The following PCDH15 variants were observed in gnomAD, a reference collection of about 807,000 sequenced individuals.
PCDH15 encodes protocadherin related 15.
A neutral mutation model predicts 178.5 loss-of-function variants in PCDH15; 129 were observed. The ratio of observed to expected loss-of-function variants is 0.72; its 90% CI spans 0.63 to 0.84. The LOEUF is 0.84. Among genes scored for constraint, PCDH15 ranks in the 40% least tolerant of loss-of-function variants. The probability of loss-of-function intolerance (pLI) is 0.00; values close to 1 mark genes in which losing one functional copy is unlikely to be tolerated. For synonymous variants in PCDH15, 800 were observed against 732.0 expected, an observed-to-expected ratio of 1.09 and a Z score of -1.50; for missense variants, 2,230 against 2,099.9, an observed-to-expected ratio of 1.06 and a Z score of -1.21.
chr10:54,045,303 C>G (rs1055943682), intron 18 of PCDH15, among the ~76,000 whole-genome samples: 1 of 152,012 alleles, frequency 6.6e-6, no homozygotes, highest in South Asian at 2.1e-4. Flanking sequence ...TTCTGAAGAC[C>G]GGGGTGATGT....
intron 2 of PCDH15, among the ~76,000 whole-genome samples, chr10:55,130,430 G>A (rs1309244560): frequency 6.6e-6 from 1 of 152,144 alleles, no homozygotes; most frequent in Non-Finnish European, 1.5e-5. Flanking sequence ...AATGAGACTG[G>A]TAGAAAATAA....
intron 8 of PCDH15, among the ~76,000 whole-genome samples, chr10:54,276,351 C>T (rs763327224): frequency 6.6e-6 from 1 of 151,642 alleles, no homozygotes; most frequent in Non-Finnish European, 1.5e-5. Flanking sequence ...ATTGGTAATT[C>T]ACAAAAGAGA....
At chr10:54,996,339 C>T (rs1195446420) in intron 2 of PCDH15, among the ~76,000 whole-genome samples, 2 of 152,138 alleles carry the variant, frequency 1.3e-5, no homozygotes, top group African/African-American at 4.8e-5. Flanking sequence ...ATATGCCGTC[C>T]TCAATTTGGG....
chr10:54,543,105 G>GC (rs1311231497), intron 2 of PCDH15, among the ~76,000 whole-genome samples: 3 of 152,022 alleles, frequency 2.0e-5, no homozygotes. Context: ...GAGAGCCGTG[G>GC]CCCCCCAAAA....
chr10:55,051,171 G>A (rs1591860247), intron 2 of PCDH15, among the ~76,000 whole-genome samples: 1 of 151,906 alleles, frequency 6.6e-6, no homozygotes, highest in Non-Finnish European at 1.5e-5. Context: ...ATTAAATAAT[G>A]CAATTATTAT....
intron 11 of PCDH15, among the ~76,000 whole-genome samples, chr10:54,195,007 G>C (rs2049458251): frequency 6.6e-6 from 1 of 152,142 alleles, no homozygotes; most frequent in South Asian, 2.1e-4. Flanking sequence ...TGATACCAAA[G>C]TCTTTCAGCC....
chr10:55,531,539 G>A (rs1433429707), intron 2 of PCDH15, among the ~76,000 whole-genome samples: 3 of 151,880 alleles, frequency 2.0e-5, no homozygotes, highest in South Asian at 4.1e-4. Context: ...TGAAAGCCAC[G>A]CATATTTTTC....
intron 8 of PCDH15, among the ~76,000 whole-genome samples, chr10:54,264,238 G>A (rs2057521643): frequency 6.6e-6 from 1 of 152,010 alleles, no homozygotes; most frequent in Admixed American, 6.6e-5. Context: ...TACTACTTCA[G>A]TACCTATAGA....
chr10:54,607,634 C>T (rs577895722), intron 2 of PCDH15, among the ~76,000 whole-genome samples: 50 of 151,924 alleles, frequency 3.3e-4, no homozygotes, highest in Admixed American at 2.1e-3. Context: ...TTAGAATTGC[C>T]TTAGCATAAC....
At position 55,508,286 on chromosome 10, in the gene PCDH15, T is replaced by C. The variant is rs935718390; in HGVS notation, c.-156+119339A>G. ...TTAGCATGGGAAGAGAGCAGTTCCA[T>C]TTTTTTACCCTTTCATATATTCTAT... On this transcript the variant is annotated intron_variant, in intron 2 of 5. Coordinates refer to the PCDH15 transcript ENST00000613346. 3.3e-5 allele frequency among the ~76,000 whole-genome samples: 5 copies of C among 151,760 alleles called. No individual in the cohort carries two copies. In the East Asian group the frequency reaches 7.8e-4, roughly 24 times the overall value.
intron 2 of PCDH15, chr10:54,607,848 C>T (rs1179266050): frequency 1.9e-6 from 1 of 528,872 alleles, no homozygotes. Context: ...ATGAGGCCTA[C>T]TGTGAGCAAG....
intron 18 of PCDH15, among the ~76,000 whole-genome samples, chr10:54,034,914 A>G (rs2093381203): frequency 6.6e-6 from 1 of 151,910 alleles, no homozygotes; most frequent in Admixed American, 6.6e-5. Flanking sequence ...ACAGATATAT[A>G]AAAGGGCCAG....
chr10:54,008,845 C>G (rs2092472891), intron 20 of PCDH15, among the ~76,000 whole-genome samples: 1 of 152,086 alleles, frequency 6.6e-6, no homozygotes, highest in Admixed American at 6.6e-5. Context: ...AATTTTTCAC[C>G]TGGTCCAGAA....
intron 32 of PCDH15, among the ~76,000 whole-genome samples, chr10:53,826,129 T>C (rs2076664269): frequency 6.6e-6 from 1 of 150,566 alleles, no homozygotes; most frequent in Admixed American, 6.6e-5. Flanking sequence ...AATTCCTACA[T>C]TCACCAATAA....
chr10:54,534,218 T>C (rs985815234), intron 2 of PCDH15, among the ~76,000 whole-genome samples: 1 of 152,176 alleles, frequency 6.6e-6, no homozygotes, highest in Non-Finnish European at 1.5e-5. Flanking sequence ...ATAGTAAATA[T>C]AGTAAATAAA....
chr10:54,124,136 C>G (rs1301910499), intron 15 of PCDH15, among the ~76,000 whole-genome samples: 1 of 152,040 alleles, frequency 6.6e-6, no homozygotes, highest in Non-Finnish European at 1.5e-5. Context: ...TAAACGTGTA[C>G]ATGTACCCTT....
intron 2 of PCDH15, among the ~76,000 whole-genome samples, chr10:54,952,148 G>C (rs979971281): frequency 6.6e-6 from 1 of 151,848 alleles, no homozygotes; most frequent in Admixed American, 6.6e-5. Context: ...ATAGTTTTAA[G>C]TTTTACATTG....
At chr10:55,242,735 C>T (rs1007547145) in intron 1 of PCDH15, among the ~76,000 whole-genome samples, 6 of 152,084 alleles carry the variant, frequency 3.9e-5, no homozygotes, top group African/African-American at 1.4e-4. Flanking sequence ...CCTGTAGTCC[C>T]AGCTACCCTG....
chr10:54,817,467 A>T (rs1952966336), intron 3 of PCDH15, among the ~76,000 whole-genome samples: 1 of 152,040 alleles, frequency 6.6e-6, no homozygotes, highest in African/African-American at 2.4e-5. Context: ...AATTGTTTCA[A>T]TGCCGTAGAA....
Sources: allele counts gnomAD v4.1 joint callset (sites outside exome capture counted in the v4.1 genomes callset), GRCh38; gene constraint gnomAD v4.1.1; transcripts MANE v1.5; gene names NCBI Gene and HGNC (gene_info 2026-07-23, HGNC 2026-07-21).